ANKRD27: variants seen among roughly 807,000 people sequenced by gnomAD.
ANKRD27 encodes the protein ankyrin repeat domain-containing protein 27.
Under a neutral mutation model 129.7 loss-of-function variants are expected in ANKRD27, and 112 were observed. That is an observed-to-expected ratio of 0.86 (90% CI 0.74 to 1.01). The LOEUF is 1.01. ANKRD27 is among the 50% of genes least tolerant of loss of function. ANKRD27 has a pLI of 0.00. For synonymous variants in ANKRD27, 516 were observed against 511.2 expected (o/e 1.01, Z -0.13); for missense variants, 1,258 against 1,300.5 (o/e 0.97, Z 0.50).
At chr19:32,644,877 TG>T (rs758984607) in intron 4 of ANKRD27, among the ~76,000 whole-genome samples, 1 of 152,186 alleles carries the variant, frequency 6.6e-6, no homozygotes, top group Non-Finnish European at 1.5e-5. Flanking sequence ...GAGACAAAGC[TG>T]GGGCTACTGC....
chr19:32,612,661 A>T (rs1971851804), intron 22 of ANKRD27, among the ~76,000 whole-genome samples: 1 of 152,220 alleles, frequency 6.6e-6, no homozygotes, highest in Non-Finnish European at 1.5e-5. Flanking sequence ...CACAATCTAT[A>T]GCCAACTGAG....
At chr19:32,653,112 C>T (rs1036037010) in intron 2 of ANKRD27, among the ~76,000 whole-genome samples, 4 of 152,172 alleles carry the variant, frequency 2.6e-5, no homozygotes, top group African/African-American at 4.8e-5. Context: ...TCCCTGAAGG[C>T]GTGCCAAGTT....
intron 9 of ANKRD27, 115 bp downstream of exon 9, chr19:32,643,008 A>G: frequency 2.0e-6 from 2 of 1,019,918 alleles, no homozygotes; most frequent in Non-Finnish European, 3.0e-6. Flanking sequence ...GCTGCTCCTC[A>G]GAACTAACCA....
At chr19:32,656,103 G>GAAAGGAAAAGAAAAGA (rs1555747137) in intron 2 of ANKRD27, among the ~76,000 whole-genome samples, 88 of 123,724 alleles carry the variant, frequency 7.1e-4, no homozygotes, top group South Asian at 4.1e-3. Flanking sequence ...AAGAAAGAAA[G>GAAAGGAAAAGAAAAGA]AAAGAAAAGA....
chr19:32,630,851 C>T (rs747008707), intron 13 of ANKRD27, among the ~76,000 whole-genome samples: 3 of 152,088 alleles, frequency 2.0e-5, no homozygotes, highest in East Asian at 1.9e-4. Context: ...AGGCTGGTCT[C>T]GGGCTTCTGG....
chr19:32,602,136 G>A lies in ANKRD27; in HGVS notation c.2656-10C>T. 3 of 1,514,132 alleles carry A rather than the reference G, an allele frequency of 2.0e-6. No homozygotes were observed. The highest frequency in any genetic ancestry group is 2.7e-6 in the Non-Finnish European group (3 of 1,092,394). The allele number at this position is 1,514,132 out of a possible 1,614,324, so 93.8% of individuals were successfully genotyped here. On this transcript the variant is annotated splice_polypyrimidine_tract_variant and intron_variant, in intron 25 of 28. Coordinates refer to ENST00000306065, the MANE Select transcript of ANKRD27 (RefSeq NM_032139.3). The stretch of plus-strand genomic sequence containing the variant: ...CCATTATTTTTGAATTCTGCAATTT[G>A]AAAGGGAAAAGGAACAGTAATGTTT...
chr19:32,640,545 T>G (rs1967179358), intron 10 of ANKRD27, among the ~76,000 whole-genome samples, 160 bp from the exon 11 acceptor site: 1 of 152,118 alleles, frequency 6.6e-6, no homozygotes, highest in Admixed American at 6.6e-5. Context: ...AGCGTCCTGA[T>G]CAGATGTCAG....
intron 25 of ANKRD27, among the ~76,000 whole-genome samples, chr19:32,602,747 G>A (rs1971672347): frequency 6.6e-6 from 1 of 151,944 alleles, no homozygotes; most frequent in African/African-American, 2.4e-5. Context: ...AAAATTAGCT[G>A]GTCATGGTGG....
rs419500 is a variant in ANKRD27, at chr19:32,613,747, T to G, written c.2175+1911A>C. On this transcript the variant is annotated intron_variant, in intron 22 of 28. Coordinates refer to ENST00000306065, the MANE Select transcript of ANKRD27 (RefSeq NM_032139.3). ...TTTTTGAGACGGAGTCTTGCTCTGT[T>G]GCCCAGGCTGGAGTGCGGTGGCACA... Among the ~76,000 whole-genome samples the G allele has an allele frequency of 2.0e-5, 3 of 146,448 alleles. No homozygotes were observed. The Admixed American group carries it at 2.1e-4, about 10-fold the overall frequency.
chr19:32,619,147 TG>T, intron 20 of ANKRD27, 112 bp downstream of exon 20: 1 of 1,409,776 alleles, frequency 7.1e-7, no homozygotes, highest in Non-Finnish European at 9.5e-7. Context: ...GGCCTCAGCA[TG>T]GGCAAGCAGG....
At chr19:32,666,233 A>C (rs1967752275) in intron 1 of ANKRD27, 1 of 152,234 alleles carries the variant, frequency 6.6e-6, no homozygotes, top group African/African-American at 2.4e-5. Context: ...CTAAAATTAG[A>C]TTGCTTATTT....
chr19:32,660,019 G>A (rs1967614838), intron 1 of ANKRD27, among the ~76,000 whole-genome samples: 1 of 152,204 alleles, frequency 6.6e-6, no homozygotes, highest in African/African-American at 2.4e-5. Context: ...AGCCACTCGG[G>A]AGGCTAAGGC....
rs1967261244 is a variant in ANKRD27, at chr19:32,644,362, A to G, written c.488T>C (p.Phe163Ser). The stretch of plus-strand genomic sequence containing the variant: ...GAGGCTCTTTCTCTCGCATTCTCGG[A>G]ATGTTCGATGGAAAGAGGCGATGTT... Reference protein sequence around the residue: ...DRNIASFHRTFRECERKSLRH... With the variant: ...DRNIASFHRTSRECERKSLRH... Residue 163 changes from phenylalanine to serine, a missense_variant, in exon 5 of 29, where the codon TTC becomes TCC. Phe to Ser is a radical substitution (Grantham distance 155). Transcript: ENST00000306065. 1.2e-6 allele frequency: 2 copies of G among 1,613,696 alleles called. No individual in the cohort carries two copies. Among genetic ancestry groups the G allele is most frequent in the African/African-American group, 1.3e-5 (1 of 74,888 alleles).
At chr19:32,646,747 A>T in intron 3 of ANKRD27, 132 bp from the exon 4 acceptor site, 2 of 883,412 alleles carry the variant, frequency 2.3e-6, no homozygotes, top group South Asian at 3.9e-5. Flanking sequence ...GGGCACAAAT[A>T]CTCTCCTGTT....
intron 18 of ANKRD27, among the ~76,000 whole-genome samples, 176 bp from the exon 19 acceptor site, chr19:32,619,729 C>T (rs1016685926): frequency 2.6e-5 from 4 of 152,172 alleles, no homozygotes; most frequent in African/African-American, 7.2e-5. Flanking sequence ...AGACCCAGAG[C>T]AGGTGGGAAC....
chr19:32,625,164 G>C (rs1381339788), intron 17 of ANKRD27, among the ~76,000 whole-genome samples: 1 of 152,104 alleles, frequency 6.6e-6, no homozygotes, highest in African/African-American at 2.4e-5. Context: ...GCTGAGGTGG[G>C]AGAATCGCTT....
chr19:32,624,554 G>T (rs529703553), intron 17 of ANKRD27, among the ~76,000 whole-genome samples: 63 of 152,280 alleles, frequency 4.1e-4, no homozygotes, highest in African/African-American at 1.5e-3. Context: ...ATATCACTAT[G>T]GAGAGAAGCC....
At position 32,602,100 on chromosome 19, in the gene ANKRD27, C is replaced by G. The variant is rs1289342926; in HGVS notation, c.2682G>C (p.Gln894His). The G allele has an allele frequency of 3.1e-6, 5 of 1,613,300 alleles. No homozygotes were observed. The highest frequency in any genetic ancestry group is 4.5e-5 in the East Asian group (2 of 44,870). The part of the protein sequence containing the change: ...EQNSKIMELL[Q>H]VVPSCVASLD... Reference sequence around the variant, plus strand: ...ATGAAGCAACACAGCTTGGTACCACCTGAAGCAATTCCATTATTTTTGAAT... The same window carrying G: ...ATGAAGCAACACAGCTTGGTACCACGTGAAGCAATTCCATTATTTTTGAAT... Residue 894 changes from glutamine (Q) to histidine (H), a missense_variant, in exon 26 of 29, where the codon CAG becomes CAC. By Grantham distance (24) the Gln-to-His change is conservative. Transcript: ENST00000306065.
intron 22 of ANKRD27, among the ~76,000 whole-genome samples, chr19:32,613,631 G>A (rs1971865596): frequency 6.6e-6 from 1 of 151,822 alleles, no homozygotes; most frequent in Admixed American, 6.6e-5. Context: ...CTGATTCTAG[G>A]CAACAGTGTG....
Sources: allele counts gnomAD v4.1 joint callset (sites outside exome capture counted in the v4.1 genomes callset), GRCh38; gene constraint gnomAD v4.1.1; transcripts MANE v1.5; gene names NCBI Gene and HGNC (gene_info 2026-07-23, HGNC 2026-07-21).